The following GPHN variants were observed in gnomAD, a reference collection of about 807,000 sequenced individuals.
GPHN encodes gephyrin.
A neutral mutation model predicts 95.5 loss-of-function variants in GPHN; 17 were observed. The ratio of observed to expected loss-of-function variants is 0.18; its 90% confidence interval spans 0.12 to 0.27. GPHN has a LOEUF of 0.27. Ranked by LOEUF, GPHN falls within the 10% of genes least tolerant of loss-of-function variation. The probability of loss-of-function intolerance (pLI) is 1.00; values close to 1 mark genes in which losing one functional copy is unlikely to be tolerated. For synonymous variants in GPHN, 320 were observed against 322.5 expected (o/e 0.99, Z 0.08); for missense variants, 660 against 978.1 (o/e 0.67, Z 4.34).
At chr14:67,547,109 T>C in the GPHN span, among the ~76,000 whole-genome samples, 1 of 152,120 alleles carries the variant, frequency 6.6e-6, no homozygotes, top group African/African-American at 2.4e-5. Context: ...GTAACCAGAA[T>C]GTCTTCACAT....
the GPHN span, among the ~76,000 whole-genome samples, chr14:67,369,514 A>AT: frequency 6.6e-6 from 1 of 152,212 alleles, no homozygotes; most frequent in Admixed American, 6.5e-5. Context: ...AAAAGGCAAA[A>AT]TACACATTAT....
the GPHN span, among the ~76,000 whole-genome samples, chr14:67,311,341 A>G: frequency 6.6e-6 from 1 of 151,886 alleles, no homozygotes; most frequent in South Asian, 2.1e-4. Flanking sequence ...GCCAAAGCCA[A>G]ATAATATTTG....
the GPHN span, among the ~76,000 whole-genome samples, chr14:67,493,811 G>C: frequency 6.6e-6 from 1 of 152,182 alleles, no homozygotes; most frequent in East Asian, 1.9e-4. Flanking sequence ...TTTGGACTTG[G>C]AGCTATAAGG....
chr14:67,509,055 G>A, the GPHN span, among the ~76,000 whole-genome samples: 2 of 152,198 alleles, frequency 1.3e-5, no homozygotes, highest in African/African-American at 2.4e-5. Flanking sequence ...GTGGCAGTAG[G>A]ACAACAGAAA....
the GPHN span, among the ~76,000 whole-genome samples, chr14:67,363,217 C>G: frequency 6.6e-6 from 1 of 151,652 alleles, no homozygotes; most frequent in African/African-American, 2.4e-5. Context: ...CCCCCACCCT[C>G]GAAAAGCCCT....
chr14:67,166,995 G>A (rs1283613922), intron 20 of GPHN, among the ~76,000 whole-genome samples: 2 of 152,148 alleles, frequency 1.3e-5, no homozygotes, highest in African/African-American at 2.4e-5. Context: ...TTTCAAAAGT[G>A]TATTTCTGCT....
chr14:67,451,811 C>T, the GPHN span, among the ~76,000 whole-genome samples: 124 of 152,172 alleles, frequency 8.1e-4, 1 homozygote, highest in East Asian at 0.02. Context: ...ACTGTTGGGA[C>T]GGCATGATTG....
chr14:67,662,855 A>T, the GPHN span, among the ~76,000 whole-genome samples: 1 of 144,122 alleles, frequency 6.9e-6, no homozygotes, highest in African/African-American at 2.6e-5. Flanking sequence ...ATGAGCCGAG[A>T]TTGCGCCATT....
intron 2 of GPHN, among the ~76,000 whole-genome samples, chr14:66,721,927 G>A (rs2098807729): frequency 6.9e-6 from 1 of 145,942 alleles, no homozygotes; most frequent in African/African-American, 2.6e-5. Context: ...CTCCAGCCTG[G>A]GCAGTAAGAG....
chr14:67,568,181 A>G, the GPHN span, among the ~76,000 whole-genome samples: 2 of 152,174 alleles, frequency 1.3e-5, no homozygotes, highest in Non-Finnish European at 2.9e-5. Context: ...AATAGCAAAG[A>G]CATGGAATCA....
intron 2 of GPHN, among the ~76,000 whole-genome samples, chr14:66,722,584 C>G (rs752286497): frequency 4.6e-5 from 7 of 152,106 alleles, no homozygotes; most frequent in Non-Finnish European, 8.8e-5. Flanking sequence ...GCTAGGACTA[C>G]AAGGATATGC....
intron 2 of GPHN, among the ~76,000 whole-genome samples, chr14:66,749,422 G>A (rs1288525763): frequency 6.6e-6 from 1 of 151,908 alleles, no homozygotes; most frequent in Non-Finnish European, 1.5e-5. Context: ...CCACCAGACT[G>A]TCTTCCAAAG....
intron 1 of GPHN, among the ~76,000 whole-genome samples, chr14:66,544,919 C>G (rs916536606): frequency 6.6e-6 from 1 of 152,080 alleles, no homozygotes; most frequent in East Asian, 1.9e-4. Flanking sequence ...GGTCACAGAT[C>G]AACAGGATCC....
At chr14:66,543,422 T>TA (rs1385243029) in intron 1 of GPHN, among the ~76,000 whole-genome samples, 1 of 152,186 alleles carries the variant, frequency 6.6e-6, no homozygotes, top group Non-Finnish European at 1.5e-5. Context: ...TGTTATACTT[T>TA]AAAAAAATCT....
chr14:66,924,704 C>T (rs2066393675), intron 8 of GPHN, among the ~76,000 whole-genome samples: 1 of 152,008 alleles, frequency 6.6e-6, no homozygotes, highest in African/African-American at 2.4e-5. Flanking sequence ...ATTAACCTTC[C>T]TGTTTTGTCT....
rs1185932974 is a variant in GPHN, at chr14:66,907,878, G to A, written c.390-8125G>A. Reference sequence around the variant, plus strand: ...GACAGGTTTCTCACTGTCACAGTGGGAAATCACATATGTACAAGCAAGGGG... The same window carrying A: ...GACAGGTTTCTCACTGTCACAGTGGAAAATCACATATGTACAAGCAAGGGG... On this transcript the variant is annotated intron_variant, in intron 5 of 22. Coordinates refer to ENST00000478722, the MANE Select transcript of GPHN (RefSeq NM_020806.5). Among the ~76,000 whole-genome samples, 3 of 151,964 alleles carry A rather than the reference G, an allele frequency of 2.0e-5. No homozygotes were observed. In the South Asian group the frequency reaches 6.2e-4, roughly 32 times the overall value.
chr14:67,227,819 G>T, the GPHN span: 4 of 152,234 alleles, frequency 2.6e-5, no homozygotes, highest in South Asian at 8.3e-4. Context: ...TTAACATCCT[G>T]AATGGACAGG....
At chr14:67,648,212 T>TA in the GPHN span, 1 of 1,604,120 alleles carries the variant, frequency 6.2e-7, no homozygotes, top group East Asian at 2.2e-5. Flanking sequence ...TGCAGCCTGT[T>TA]AACTACATAG....
At chr14:67,658,788 C>A in the GPHN span, among the ~76,000 whole-genome samples, 14 of 152,128 alleles carry the variant, frequency 9.2e-5, no homozygotes, top group Non-Finnish European at 1.6e-4. Flanking sequence ...TAATCCCTCG[C>A]GCATCCATTT....
Sources: gnomAD v4.1 joint callset for allele counts (sites outside exome capture counted in the v4.1 genomes callset) on GRCh38, gnomAD v4.1.1 for gene constraint, MANE v1.5 for transcripts, NCBI Gene and HGNC (gene_info 2026-07-23, HGNC 2026-07-21) for gene names.